PCDHA13: variants seen among roughly 807,000 people sequenced by gnomAD.
PCDHA13 encodes the protein protocadherin alpha-13.
A neutral mutation model predicts 64.8 loss-of-function variants in PCDHA13; 54 were observed. That is an observed-to-expected ratio of 0.83 (90% CI 0.67 to 1.04). PCDHA13 has a LOEUF of 1.04. PCDHA13 is among the 50% of genes least tolerant of loss of function. The pLI is 0.00. For missense variants in PCDHA13, 1,248 were observed against 1,254.3 expected, an observed-to-expected ratio of 0.99 and a Z score of 0.08; for synonymous variants, 587 against 564.4, an observed-to-expected ratio of 1.04 and a Z score of -0.57.
At position 140,886,685 on chromosome 5, in the gene PCDHA13, G is replaced by A. The variant is rs1250817978; in HGVS notation, c.2394+2023G>A. On this transcript the variant is annotated intron_variant, in intron 1 of 3. Transcript: ENST00000289272. The stretch of plus-strand genomic sequence containing the variant: ...TACTAAAAATACAAAAATTAGCGAG[G>A]CATGGTGGCACGCGCCTGTAATCCC... Among the ~76,000 whole-genome samples the A allele has an allele frequency of 2.6e-5, 4 of 152,080 alleles. No homozygotes were observed. In the East Asian group the frequency reaches 7.8e-4, roughly 30 times the overall value.
rs1554173809 is a variant in PCDHA13, at chr5:140,882,369, C to T, written c.101C>T (p.Ser34Phe). ...ACGGGTAGTGGCCAGCTCCACTACT[C>T]CGTCCCCGAGGAAGCAAAACACGGC... Reference protein sequence around the residue: ...WETGSGQLHYSVPEEAKHGTF... With the variant: ...WETGSGQLHYFVPEEAKHGTF... The change falls in exon 1 of 4, where the codon TCC becomes TTC. Residue 34 changes from serine to phenylalanine, a missense_variant. Coordinates refer to ENST00000289272, the MANE Select transcript of PCDHA13 (RefSeq NM_018904.3). 1 of 1,614,222 alleles carries T rather than the reference C, an allele frequency of 6.2e-7. No individual in the cohort carries two copies. Among genetic ancestry groups the T allele is most frequent in the South Asian group, 1.1e-5 (1 of 91,076 alleles).
At chr5:140,928,810 G>T (rs143843461) in intron 1 of PCDHA13, 1 of 1,614,106 alleles carries the variant, frequency 6.2e-7, no homozygotes. Context: ...AGTGGTTCGG[G>T]ACCATGGAGA....
chr5:140,985,887 C>A (rs765609645), intron 3 of PCDHA13, among the ~76,000 whole-genome samples: 2 of 151,840 alleles, frequency 1.3e-5, no homozygotes, highest in Non-Finnish European at 2.9e-5. Context: ...CTACAGGCGC[C>A]CGCCACCACT....
At chr5:140,891,025 T>G (rs1554184622) in intron 1 of PCDHA13, among the ~76,000 whole-genome samples, 1 of 151,814 alleles carries the variant, frequency 6.6e-6, no homozygotes, top group African/African-American at 2.4e-5. Flanking sequence ...TCTGAGGGTA[T>G]AATCTTAGGT....
intron 1 of PCDHA13, among the ~76,000 whole-genome samples, chr5:140,897,693 G>A (rs1327367730): frequency 6.6e-6 from 1 of 152,008 alleles, no homozygotes; most frequent in African/African-American, 2.4e-5. Context: ...TAGTCCTTTG[G>A]GCATATACCC....
At chr5:140,979,704 T>C (rs1430662594) in intron 2 of PCDHA13, among the ~76,000 whole-genome samples, 1 of 152,246 alleles carries the variant, frequency 6.6e-6, no homozygotes, top group Non-Finnish European at 1.5e-5. Context: ...TTTCTGGAGG[T>C]GATCCAGTAT....
At chr5:140,967,823 G>A in intron 1 of PCDHA13, 2 of 1,614,162 alleles carry the variant, frequency 1.2e-6, no homozygotes, top group Non-Finnish European at 8.5e-7. Context: ...CAAGGTGCTG[G>A]TGGACATCGT....
chr5:140,941,191 TTTTCTTTCTTCCTTTCTTTCTTCC>T (rs1293685535), intron 1 of PCDHA13, among the ~76,000 whole-genome samples: 31 of 93,206 alleles, frequency 3.3e-4, no homozygotes, highest in African/African-American at 1.1e-3. Context: ...GCTTCTTTTT[TTTTCTTTCTTCCTTTCTTTCTTCC>T]TTTCTTTCTT....
In PCDHA13 at chr5:141,010,017, T is replaced by C; in HGVS notation, c.*80T>C. 1.3e-6 allele frequency: 2 copies of C among 1,571,154 alleles called. No individual in the cohort carries two copies. Among genetic ancestry groups the C allele is most frequent in the Non-Finnish European group, 1.7e-6 (2 of 1,162,678 alleles). On this transcript the variant is annotated 3_prime_UTR_variant, in exon 4 of 4. Transcript: ENST00000289272. ...CTCCCATGTAGCAATTCCCTGCTCC[T>C]TTTTCCTATCTACATGAGCCCTCTT...
intron 1 of PCDHA13, among the ~76,000 whole-genome samples, chr5:140,948,767 T>G (rs1266601836): frequency 6.6e-6 from 1 of 151,640 alleles, no homozygotes; most frequent in Non-Finnish European, 1.5e-5. Context: ...TTTTTTCGAA[T>G]AGCCAGCTTT....
At chr5:140,963,120 A>G (rs1210822785) in intron 1 of PCDHA13, among the ~76,000 whole-genome samples, 1 of 152,174 alleles carries the variant, frequency 6.6e-6, no homozygotes, top group African/African-American at 2.4e-5. Context: ...ATAATTAAAG[A>G]GATAATATTA....
chr5:140,924,036 C>A (rs2081633869), intron 1 of PCDHA13, among the ~76,000 whole-genome samples: 1 of 152,162 alleles, frequency 6.6e-6, no homozygotes, highest in African/African-American at 2.4e-5. Context: ...TGGCTGCAGA[C>A]CTAAAAGTTC....
intron 1 of PCDHA13, chr5:140,966,561 G>T: frequency 2.0e-6 from 1 of 488,962 alleles, no homozygotes; most frequent in African/African-American, 2.0e-5. Flanking sequence ...GGAGGAGCTG[G>T]AATATGGGGA....
At chr5:141,005,967 A>ACAATTC (rs1554260442) in intron 3 of PCDHA13, among the ~76,000 whole-genome samples, 1 of 152,062 alleles carries the variant, frequency 6.6e-6, no homozygotes, top group Non-Finnish European at 1.5e-5. Flanking sequence ...CAATAAAAAA[A>ACAATTC]CAATTCCAAA....
chr5:140,999,363 A>G (rs772527438), intron 3 of PCDHA13, among the ~76,000 whole-genome samples: 1 of 152,198 alleles, frequency 6.6e-6, no homozygotes, highest in Non-Finnish European at 1.5e-5. Flanking sequence ...AATGTTCACA[A>G]TCCCATTAGA....
At chr5:140,992,131 T>C (rs1554252686) in intron 3 of PCDHA13, among the ~76,000 whole-genome samples, 1 of 151,874 alleles carries the variant, frequency 6.6e-6, no homozygotes, top group African/African-American at 2.4e-5. Flanking sequence ...GAACAGTGAC[T>C]GATGATGCTA....
rs1469484046 is a variant in PCDHA13 at position 141,010,169 on chromosome 5, C to G, written c.*232C>G. ...CTCCACTCTGGCTTGTTTTCAGAAC[C>G]TAAAAAGCAGACCCAAGTTTCCTTT... On this transcript the variant is annotated 3_prime_UTR_variant, in exon 4 of 4. Coordinates refer to ENST00000289272, the MANE Select transcript of PCDHA13 (RefSeq NM_018904.3). 6.4e-7 allele frequency: 1 copy of G among 1,560,124 alleles called. No homozygotes were observed. The highest frequency in any genetic ancestry group is 8.7e-7 in the Non-Finnish European group (1 of 1,151,276).
intron 1 of PCDHA13, chr5:140,929,609 A>G: frequency 2.4e-6 from 1 of 410,256 alleles, no homozygotes; most frequent in Non-Finnish European, 4.4e-6. Flanking sequence ...TAAAAATAAA[A>G]TACCAAAATA....
At chr5:140,932,549 C>T (rs1222820851) in intron 1 of PCDHA13, among the ~76,000 whole-genome samples, 1 of 151,864 alleles carries the variant, frequency 6.6e-6, no homozygotes, top group African/African-American at 2.4e-5. Context: ...ATTTAACATA[C>T]ATTCCACAAG....
Sources: gnomAD v4.1 joint callset for allele counts (sites outside exome capture counted in the v4.1 genomes callset) on GRCh38, gnomAD v4.1.1 for gene constraint, MANE v1.5 for transcripts, NCBI Gene and HGNC (gene_info 2026-07-23, HGNC 2026-07-21) for gene names.